The following CR1L variants were observed in gnomAD, a reference collection of about 807,000 sequenced individuals.
CR1L encodes complement component receptor 1-like protein.
A neutral mutation model predicts 62.3 loss-of-function variants in CR1L; 59 were observed. The observed-to-expected ratio is 0.95, with a 90% CI of 0.77 to 1.18. The LOEUF is 1.18. Ranked by LOEUF, CR1L falls within the 50% of genes most tolerant of loss-of-function variation. The probability of loss-of-function intolerance (pLI) is 0.00; values close to 1 mark genes in which losing one functional copy is unlikely to be tolerated. For missense variants in CR1L, 700 were observed against 702.8 expected (o/e 1.00, Z 0.04); for synonymous variants, 279 against 248.7 (o/e 1.12, Z -1.15).
intron 10 of CR1L, among the ~76,000 whole-genome samples, chr1:207,709,734 GGCT>G (rs146261514): frequency 0.027 from 4,142 of 151,368 alleles, 199 homozygotes; most frequent in African/African-American, 0.094. Context: ...CTACTTGGGA[GGCT>G]GCAGCAGGAG....
At chr1:207,721,619 C>A (rs1654138694) in intron 11 of CR1L, among the ~76,000 whole-genome samples, 2 of 146,172 alleles carry the variant, frequency 1.4e-5, no homozygotes, top group Non-Finnish European at 3.0e-5. Context: ...GGTTCCAAGT[C>A]TTTGCTATTG....
chr1:207,710,474 C>T (rs540637757), intron 10 of CR1L: 10 of 1,605,230 alleles, frequency 6.2e-6, no homozygotes, highest in Non-Finnish European at 8.5e-6. Flanking sequence ...GGTGACCTAC[C>T]ACTGCAATCT....
chr1:207,702,049 A>G (rs971047804), intron 9 of CR1L, among the ~76,000 whole-genome samples: 1 of 152,192 alleles, frequency 6.6e-6, no homozygotes, highest in African/African-American at 2.4e-5. Flanking sequence ...CACAGATGTT[A>G]TGCTTTTTAC....
Position 207,677,569 on chromosome 1 carries a change from G to C in CR1L, c.277+1G>C, listed in dbSNP as rs373970595. The C allele has an allele frequency of 1.9e-6, 3 of 1,612,154 alleles. No homozygotes were observed. In the East Asian group the frequency reaches 6.7e-5, roughly 36 times the overall value. On this transcript the variant is annotated splice_donor_variant, in intron 2 of 11. Coordinates refer to ENST00000508064, the MANE Select transcript of CR1L (RefSeq NM_175710.2). LOFTEE classifies it high-confidence loss of function. The stretch of plus-strand genomic sequence containing the variant: ...ACAAGTGCTAAGGACAAGTGCAAAC[G>C]TAAGTAACTCTGGAGTGGGAACCCC...
chr1:207,698,799 T>C (rs1392412259), intron 7 of CR1L, among the ~76,000 whole-genome samples: 1 of 152,206 alleles, frequency 6.6e-6, no homozygotes, highest in Non-Finnish European at 1.5e-5. Flanking sequence ...ATTTCCCACT[T>C]TACCACTCCA....
chr1:207,678,231 A>G lies in CR1L; in HGVS notation c.311A>G (p.Asn104Ser). The G allele has an allele frequency of 6.2e-7, 1 of 1,613,716 alleles. No individual in the cohort carries two copies. Among genetic ancestry groups the G allele is most frequent in the Non-Finnish European group, 8.5e-7 (1 of 1,179,646 alleles). The change falls in exon 3 of 12, where the codon AAT becomes AGT. Residue 104 changes from asparagine (N) to serine (S), a missense_variant. By Grantham distance (46) the Asn-to-Ser change is conservative (BLOSUM62 1). Coordinates refer to ENST00000508064, the MANE Select transcript of CR1L (RefSeq NM_175710.2). ...TGTCGTAATCCTCCAGATCCTGTGA[A>G]TGGCATGGCACATGTGATCAAAGAC... is the stretch of plus-strand genomic sequence containing the variant. ...KSCRNPPDPV[N>S]GMAHVIKDIQ...
At chr1:207,706,501 C>A (rs1664269935) in intron 9 of CR1L, among the ~76,000 whole-genome samples, 1 of 151,986 alleles carries the variant, frequency 6.6e-6, no homozygotes, top group Non-Finnish European at 1.5e-5. Context: ...GAAGGGTAAG[C>A]AAATAAGCCC....
intron 1 of CR1L, 69 bp from the exon 2 acceptor site, chr1:207,677,307 CAAAAAAAAAAAAA>C (rs57151160): frequency 1.7e-4 from 84 of 506,330 alleles, no homozygotes; most frequent in Middle Eastern, 5.4e-4. Flanking sequence ...GACTCTGTCA[CAAAAAAAAAAAAA>C]AAAAAAAAAA....
intron 9 of CR1L, 50 bp from the exon 10 acceptor site, chr1:207,708,128 A>C: frequency 6.5e-7 from 1 of 1,533,316 alleles, no homozygotes; most frequent in Non-Finnish European, 8.8e-7. Flanking sequence ...TGCTGTCAGG[A>C]AGTTGATGAG....
intron 1 of CR1L, among the ~76,000 whole-genome samples, chr1:207,668,740 C>T (rs554064358): frequency 6.0e-5 from 9 of 151,046 alleles, no homozygotes; most frequent in Non-Finnish European, 8.8e-5. Context: ...CTGTTCATTC[C>T]ATCTCCAATA....
At chr1:207,721,265 A>C (rs916039322) in intron 11 of CR1L, among the ~76,000 whole-genome samples, 1 of 151,850 alleles carries the variant, frequency 6.6e-6, no homozygotes, top group African/African-American at 2.4e-5. Context: ...ATATGTATAC[A>C]TGTGCCATGC....
In CR1L at chr1:207,678,183, G is replaced by C; in HGVS notation, c.278-15G>C. On this transcript the variant is annotated splice_polypyrimidine_tract_variant and intron_variant, in intron 2 of 11. Transcript: ENST00000508064. ...TTACTCTACTTGGCTTCAAATTTCT[G>C]TTTCTTTCCTGTAGGTAAATCATGT... The C allele has an allele frequency of 6.2e-7, 1 of 1,612,412 alleles. No individual in the cohort carries two copies. The highest frequency in any genetic ancestry group is 8.5e-7 in the Non-Finnish European group (1 of 1,178,586).
intron 1 of CR1L, among the ~76,000 whole-genome samples, chr1:207,670,743 T>C (rs1323014000): frequency 1.3e-5 from 2 of 151,200 alleles, no homozygotes; most frequent in Non-Finnish European, 2.9e-5. Flanking sequence ...GTAACCTGTC[T>C]AGTGAAGAGA....
At chr1:207,708,784 G>A (rs899175515) in intron 10 of CR1L, 1 of 454,484 alleles carries the variant, frequency 2.2e-6, no homozygotes, top group South Asian at 1.6e-5. Flanking sequence ...AATATAAAAT[G>A]TGTATAATCC....
intron 1 of CR1L, 49 bp from the exon 2 acceptor site, chr1:207,677,340 A>AAAAAATTT: frequency 1.3e-6 from 1 of 781,660 alleles, no homozygotes; most frequent in Non-Finnish European, 1.9e-6. Context: ...AAAAAAAAGT[A>AAAAAATTT]TGGTAATTTC....
At chr1:207,681,670 A>T (rs1359441635) in intron 3 of CR1L, among the ~76,000 whole-genome samples, 1 of 152,190 alleles carries the variant, frequency 6.6e-6, no homozygotes, top group African/African-American at 2.4e-5. Context: ...TTTAAGTTTG[A>T]ACTTGCTTCA....
At chr1:207,713,997 A>T (rs1653908756) in intron 10 of CR1L, among the ~76,000 whole-genome samples, 1 of 152,212 alleles carries the variant, frequency 6.6e-6, no homozygotes, top group African/African-American at 2.4e-5. Flanking sequence ...AGGAGACGGC[A>T]AAGAGCCACT....
chr1:207,665,811 G>T (rs879723284), intron 1 of CR1L, among the ~76,000 whole-genome samples: 1 of 152,194 alleles, frequency 6.6e-6, no homozygotes, highest in Non-Finnish European at 1.5e-5. Flanking sequence ...AGAAACACAC[G>T]TAGCCTTTGG....
At chr1:207,661,467 C>A (rs1303877697) in intron 1 of CR1L, among the ~76,000 whole-genome samples, 3 of 151,910 alleles carry the variant, frequency 2.0e-5, no homozygotes. Flanking sequence ...GGATTGCAAC[C>A]CCTGCCTTTT....
Sources: gnomAD v4.1 joint callset for allele counts (sites outside exome capture counted in the v4.1 genomes callset) on GRCh38, gnomAD v4.1.1 for gene constraint, MANE v1.5 for transcripts, NCBI Gene and HGNC (gene_info 2026-07-23, HGNC 2026-07-21) for gene names.